The following COL8A1 variants were observed in gnomAD, a reference collection of about 807,000 sequenced individuals.
COL8A1 encodes collagen alpha-1(VIII) chain.
Under a neutral mutation model 42.7 loss-of-function variants are expected in COL8A1, and 21 were observed. That is an observed-to-expected ratio of 0.49 (90% CI 0.35 to 0.71). The LOEUF is 0.71. Ranked by LOEUF, COL8A1 falls within the 30% of genes least tolerant of loss-of-function variation. The pLI is 0.01. For missense variants in COL8A1, 788 were observed against 962.4 expected (o/e 0.82, Z 2.40); for synonymous variants, 367 against 369.1 (o/e 0.99, Z 0.06).
intron 2 of COL8A1, among the ~76,000 whole-genome samples, chr3:99,784,570 T>C (rs1941856206): frequency 6.6e-6 from 1 of 152,240 alleles, no homozygotes; most frequent in Admixed American, 6.5e-5. Flanking sequence ...AGCATGTTAC[T>C]GTACTGAGTG....
At chr3:99,673,698 T>C (rs1938610866) in intron 1 of COL8A1, among the ~76,000 whole-genome samples, 1 of 152,072 alleles carries the variant, frequency 6.6e-6, no homozygotes, top group Non-Finnish European at 1.5e-5. Context: ...TTTTAGAATA[T>C]CATTTTATGT....
chr3:99,781,758 C>T (rs118030780), intron 2 of COL8A1, among the ~76,000 whole-genome samples: 1 of 152,262 alleles, frequency 6.6e-6, no homozygotes, highest in East Asian at 1.9e-4. Context: ...TAGAGCCATA[C>T]TAAGAAGGAA....
At chr3:99,643,255 C>T (rs187136195) in intron 1 of COL8A1, among the ~76,000 whole-genome samples, 1 of 152,292 alleles carries the variant, frequency 6.6e-6, no homozygotes, top group Non-Finnish European at 1.5e-5. Context: ...ATACAGGGCT[C>T]TCAGAAACCA....
chr3:99,682,615 TAA>T (rs34375356), intron 1 of COL8A1, among the ~76,000 whole-genome samples: 85 of 141,966 alleles, frequency 6.0e-4, no homozygotes, highest in African/African-American at 9.6e-4. Context: ...AATGTGAAAT[TAA>T]AAAAAAAAAA....
intron 1 of COL8A1, among the ~76,000 whole-genome samples, chr3:99,738,645 T>C (rs1940805362): frequency 6.6e-6 from 1 of 152,216 alleles, no homozygotes; most frequent in South Asian, 2.1e-4. Context: ...GACAGGGACA[T>C]TTAAGTCTGC....
chr3:99,658,504 TTAAC>T (rs1938099919), intron 1 of COL8A1, among the ~76,000 whole-genome samples: 1 of 152,172 alleles, frequency 6.6e-6, no homozygotes, highest in South Asian at 2.1e-4. Context: ...CTGTTTCTGT[TTAAC>T]TAACTGTCTC....
At chr3:99,685,244 T>C (rs1204213815) in intron 1 of COL8A1, among the ~76,000 whole-genome samples, 1 of 152,128 alleles carries the variant, frequency 6.6e-6, no homozygotes, top group Admixed American at 6.5e-5. Context: ...TCAAAAGCAA[T>C]GAGAAGGAAT....
intron 1 of COL8A1, among the ~76,000 whole-genome samples, chr3:99,729,101 T>G (rs531132020): frequency 1.3e-5 from 2 of 152,046 alleles, no homozygotes; most frequent in Non-Finnish European, 2.9e-5. Context: ...ATTTGATATA[T>G]TTCCATCTAT....
chr3:99,695,760 C>G (rs1186474931), intron 1 of COL8A1, among the ~76,000 whole-genome samples: 1 of 152,178 alleles, frequency 6.6e-6, no homozygotes, highest in African/African-American at 2.4e-5. Flanking sequence ...AGAGCAGGAA[C>G]CAAAGGTTTT....
chr3:99,735,963 T>C (rs558149461), intron 1 of COL8A1, among the ~76,000 whole-genome samples: 7 of 152,170 alleles, frequency 4.6e-5, no homozygotes, highest in Admixed American at 2.0e-4. Flanking sequence ...TATTCTCTGA[T>C]GGTAGTTTGT....
intron 1 of COL8A1, among the ~76,000 whole-genome samples, chr3:99,716,128 G>T (rs537701583): frequency 1.2e-4 from 18 of 152,084 alleles, no homozygotes; most frequent in Admixed American, 1.2e-3. Context: ...CCACATCTCA[G>T]TTTGCCATAC....
intron 1 of COL8A1, among the ~76,000 whole-genome samples, chr3:99,702,265 A>G (rs1468354701): frequency 1.3e-5 from 2 of 152,242 alleles, no homozygotes; most frequent in African/African-American, 4.8e-5. Flanking sequence ...TAATGGGAGA[A>G]ATAGAGCCTT....
intron 1 of COL8A1, among the ~76,000 whole-genome samples, chr3:99,651,980 C>T (rs1200329599): frequency 6.6e-6 from 1 of 152,290 alleles, no homozygotes; most frequent in East Asian, 1.9e-4. Context: ...TTTTCCTCTG[C>T]CTTGTAAAAT....
chr3:99,697,965 C>G (rs969831869), intron 1 of COL8A1, among the ~76,000 whole-genome samples: 1 of 152,112 alleles, frequency 6.6e-6, no homozygotes, highest in Non-Finnish European at 1.5e-5. Flanking sequence ...ATCCCTCCCC[C>G]ACCCCCTCAC....
intron 1 of COL8A1, among the ~76,000 whole-genome samples, chr3:99,682,157 G>A (rs1342943768): frequency 2.0e-5 from 3 of 152,216 alleles, no homozygotes; most frequent in African/African-American, 4.8e-5. Context: ...GGTCATGCCT[G>A]TAATCCCAGC....
chr3:99,698,515 A>G (rs893424585), intron 1 of COL8A1, among the ~76,000 whole-genome samples: 3 of 152,354 alleles, frequency 2.0e-5, no homozygotes, highest in Admixed American at 2.0e-4. Context: ...ATCTAGAGTA[A>G]GTGTTCAAGT....
chr3:99,759,661 T>A (rs765787589), intron 2 of COL8A1, among the ~76,000 whole-genome samples: 10 of 152,228 alleles, frequency 6.6e-5, no homozygotes, highest in Non-Finnish European at 1.3e-4. Context: ...ACAATGACTC[T>A]GCTTTATTAG....
intron 1 of COL8A1, among the ~76,000 whole-genome samples, chr3:99,672,174 G>A (rs947091320): frequency 2.0e-5 from 3 of 152,036 alleles, no homozygotes; most frequent in African/African-American, 7.2e-5. Context: ...GCTCAGAGCA[G>A]TAAGAATTAA....
At chr3:99,712,381 C>T (rs537482277) in intron 1 of COL8A1, among the ~76,000 whole-genome samples, 2 of 152,110 alleles carry the variant, frequency 1.3e-5, no homozygotes, top group Admixed American at 6.5e-5. Flanking sequence ...AGGGGAAAAC[C>T]GCTTGGCAAG....
Sources: gnomAD v4.1 joint callset for allele counts (sites outside exome capture counted in the v4.1 genomes callset) on GRCh38, gnomAD v4.1.1 for gene constraint, MANE v1.5 for transcripts, NCBI Gene and HGNC (gene_info 2026-07-23, HGNC 2026-07-21) for gene names.